Variants in ZNF385D observed in about 807,000 individuals in gnomAD.
ZNF385D encodes zinc finger protein 385D, also known as zinc finger protein 659.
In ZNF385D, 15 loss-of-function variants were observed where a neutral mutation model predicts 35.8. The observed-to-expected ratio is 0.42, with a 90% CI of 0.28 to 0.64. ZNF385D has a LOEUF of 0.64. Ranked by LOEUF, ZNF385D falls within the 30% of genes least tolerant of loss-of-function variation. The pLI, the probability that ZNF385D is intolerant of heterozygous loss-of-function variation, is 0.23. For missense variants in ZNF385D, 474 were observed against 494.6 expected (o/e 0.96, Z 0.39); for synonymous variants, 212 against 186.8 (o/e 1.13, Z -1.10).
intron 3 of ZNF385D, among the ~76,000 whole-genome samples, chr3:22,110,695 A>G (rs9855281): frequency 0.79 from 119,279 of 151,660 alleles, 47,877 homozygotes; most frequent in Non-Finnish European, 0.84. Context: ...GTTAAATGAC[A>G]AGTTAATGGG....
intron 2 of ZNF385D, among the ~76,000 whole-genome samples, chr3:21,620,187 G>A (rs1391720530): frequency 6.6e-6 from 1 of 152,126 alleles, no homozygotes; most frequent in Non-Finnish European, 1.5e-5. Context: ...AATAGTCAGC[G>A]ATCTCTGGCT....
intron 4 of ZNF385D, among the ~76,000 whole-genome samples, chr3:21,508,368 C>T (rs1284516294): frequency 6.6e-6 from 1 of 152,024 alleles, no homozygotes; most frequent in Non-Finnish European, 1.5e-5. Flanking sequence ...ATTTATTATG[C>T]CAAGGGGTGG....
intron 3 of ZNF385D, among the ~76,000 whole-genome samples, chr3:21,826,696 T>G (rs1441269420): frequency 6.6e-6 from 1 of 152,036 alleles, no homozygotes; most frequent in East Asian, 1.9e-4. Flanking sequence ...TTCCAGCATT[T>G]TACAAATAAT....
At chr3:21,833,810 A>G (rs1695154431) in intron 3 of ZNF385D, among the ~76,000 whole-genome samples, 1 of 152,194 alleles carries the variant, frequency 6.6e-6, no homozygotes, top group Non-Finnish European at 1.5e-5. Context: ...ATGGGAAAAC[A>G]CAATCTATCT....
chr3:22,152,564 C>T (rs1705310186), intron 3 of ZNF385D, among the ~76,000 whole-genome samples: 1 of 152,130 alleles, frequency 6.6e-6, no homozygotes, highest in South Asian at 2.1e-4. Context: ...ACCTGCATTC[C>T]TTGATCCCTT....
intron 1 of ZNF385D, among the ~76,000 whole-genome samples, chr3:21,730,453 G>GA (rs750012993): frequency 7.9e-5 from 12 of 151,468 alleles, no homozygotes; most frequent in East Asian, 5.8e-4. Flanking sequence ...CCAAACAACT[G>GA]AAAAAAAATG....
intron 3 of ZNF385D, among the ~76,000 whole-genome samples, chr3:21,921,884 C>T (rs1425298790): frequency 1.4e-5 from 2 of 146,814 alleles, no homozygotes; most frequent in African/African-American, 5.0e-5. Flanking sequence ...TGCCCTAGAA[C>T]AGATAGATTC....
At chr3:21,615,793 A>AGTGTGTGTGTGTGTGTGT (rs144521609) in intron 2 of ZNF385D, among the ~76,000 whole-genome samples, 45,982 of 144,902 alleles carry the variant, frequency 0.32, 7,612 homozygotes, top group Admixed American at 0.41. Context: ...ATGGAGAAAG[A>AGTGTGTGTGTGTGTGTGT]GTGTGTGTGT....
intron 2 of ZNF385D, among the ~76,000 whole-genome samples, chr3:22,272,332 A>C (rs1701219713): frequency 6.6e-6 from 1 of 152,028 alleles, no homozygotes; most frequent in South Asian, 2.1e-4. Context: ...TTGGAGATAT[A>C]TCTCCAATAT....
chr3:21,997,859 G>A (rs1008925298), intron 3 of ZNF385D, among the ~76,000 whole-genome samples: 47 of 74,540 alleles, frequency 6.3e-4, no homozygotes, highest in African/African-American at 1.5e-3. Context: ...GCTATTTGGC[G>A]CGCGCGCGCG....
chr3:22,342,014 G>C (rs1425869770), intron 2 of ZNF385D, among the ~76,000 whole-genome samples: 1 of 151,924 alleles, frequency 6.6e-6, no homozygotes, highest in East Asian at 1.9e-4. Context: ...GGTGGCTCAC[G>C]TCTGTAATCC....
At chr3:22,162,260 C>T (rs1221398764) in intron 3 of ZNF385D, among the ~76,000 whole-genome samples, 3 of 152,072 alleles carry the variant, frequency 2.0e-5, no homozygotes. Context: ...ATTTCTTTGG[C>T]ATATTTTAAG....
At chr3:21,540,679 C>T (rs557596569) in intron 3 of ZNF385D, among the ~76,000 whole-genome samples, 12 of 152,274 alleles carry the variant, frequency 7.9e-5, no homozygotes, top group South Asian at 4.1e-4. Context: ...ATTTGCCATA[C>T]GTCAATCTCC....
upstream of ZNF385D, among the ~76,000 whole-genome samples, chr3:21,754,613 C>CT (rs559621553): frequency 8.5e-4 from 128 of 149,816 alleles, no homozygotes; most frequent in East Asian, 2.0e-3. Flanking sequence ...AATTCACTGT[C>CT]TTTTTTTTTT....
chr3:21,793,705 T>C (rs911762027), intron 3 of ZNF385D, among the ~76,000 whole-genome samples: 2 of 152,192 alleles, frequency 1.3e-5, no homozygotes, highest in Non-Finnish European at 2.9e-5. Flanking sequence ...TAGAAATGAT[T>C]TTTAAATAGT....
At chr3:22,302,581 T>A (rs1396416414) in intron 2 of ZNF385D, among the ~76,000 whole-genome samples, 1 of 151,996 alleles carries the variant, frequency 6.6e-6, no homozygotes, top group African/African-American at 2.4e-5. Flanking sequence ...GCTATTCTTT[T>A]GTTTTTGCTC....
intron 3 of ZNF385D, among the ~76,000 whole-genome samples, chr3:22,073,952 C>G (rs1700347693): frequency 6.6e-6 from 1 of 151,910 alleles, no homozygotes; most frequent in African/African-American, 2.4e-5. Flanking sequence ...AAAGGAACAT[C>G]ATTATTAAAA....
intron 3 of ZNF385D, among the ~76,000 whole-genome samples, chr3:21,892,290 G>A (rs1162654240): frequency 6.6e-6 from 1 of 152,142 alleles, no homozygotes; most frequent in Non-Finnish European, 1.5e-5. Context: ...AAGCGCTACA[G>A]TGCCAGGAAT....
chr3:21,662,349 T>TA (rs1559498429), intron 2 of ZNF385D, among the ~76,000 whole-genome samples: 1 of 152,186 alleles, frequency 6.6e-6, no homozygotes, highest in Non-Finnish European at 1.5e-5. Flanking sequence ...CAAAGCCTTA[T>TA]AACCTGTTAG....
Sources: gnomAD v4.1 joint callset for allele counts (sites outside exome capture counted in the v4.1 genomes callset) on GRCh38, gnomAD v4.1.1 for gene constraint, MANE v1.5 for transcripts, NCBI Gene and HGNC (gene_info 2026-07-23, HGNC 2026-07-21) for gene names.